The following ZZEF1 variants were observed in gnomAD, a reference collection of about 807,000 sequenced individuals.
The protein encoded by ZZEF1 is zinc finger ZZ-type and EF-hand domain containing 1.
Under a neutral mutation model 342.8 loss-of-function variants are expected in ZZEF1, and 157 were observed. That is an observed-to-expected ratio of 0.46 (90% CI 0.40 to 0.52). The LOEUF is 0.52. Ranked by LOEUF, ZZEF1 falls within the 20% of genes least tolerant of loss-of-function variation. ZZEF1 has a pLI of 0.00. For synonymous variants in ZZEF1, 1,505 were observed against 1,429.1 expected (o/e 1.05, Z -1.20); for missense variants, 3,480 against 3,725.6 (o/e 0.93, Z 1.72).
intron 1 of ZZEF1, among the ~76,000 whole-genome samples, chr17:4,140,939 C>T (rs1245010584): frequency 3.4e-5 from 5 of 147,130 alleles, no homozygotes; most frequent in African/African-American, 7.5e-5. Flanking sequence ...GACAGAGTAT[C>T]GCTCTGAGGC....
rs1046961237 is a variant in ZZEF1 at position 4,048,397 on chromosome 17, G to A, written c.6015+1311C>T. Among the ~76,000 whole-genome samples, 10 of 152,222 alleles carry A rather than the reference G, an allele frequency of 6.6e-5. 2 individuals are homozygous for A. Among genetic ancestry groups the A allele is most frequent in the Admixed American group, 1.3e-4 (2 of 15,296 alleles). Reference sequence around the variant, plus strand: ...TTGGTGAGCTACAACCACCAGATGGGGGAATCCTTGAACTAGCAACCTGAC... The same window carrying A: ...TTGGTGAGCTACAACCACCAGATGGAGGAATCCTTGAACTAGCAACCTGAC... On this transcript the variant is annotated intron_variant, in intron 37 of 54. Transcript: ENST00000381638.
At chr17:4,100,773 T>G (rs1459232007) in intron 9 of ZZEF1, among the ~76,000 whole-genome samples, 1 of 152,096 alleles carries the variant, frequency 6.6e-6, no homozygotes. Flanking sequence ...AGGAGGAGGT[T>G]GCAGTGAGCC....
In ZZEF1 at chr17:4,017,728, G is replaced by C. The variant is rs746694097; in HGVS notation, c.7644C>G (p.Ser2548=). The C allele has an allele frequency of 1.6e-5, 26 of 1,611,506 alleles. No homozygotes were observed. The highest frequency in any genetic ancestry group is 2.0e-5 in the Non-Finnish European group (23 of 1,178,804). The change falls in exon 48 of 55, where the codon TCC becomes TCG. Residue 2548 remains serine (S), a splice_region_variant and synonymous_variant. Transcript: ENST00000381638. This position sits in a 1 kb window ranked among gnomAD's most constrained non-coding sequence, Gnocchi z 5.1. Reference sequence around the variant, plus strand: ...TGGCTTGGTCACAGCGTGCAGGCCGGGACTGCAAACCCAAGACCACCATTA... The same window carrying C: ...TGGCTTGGTCACAGCGTGCAGGCCGCGACTGCAAACCCAAGACCACCATTA... ...DTDMIILPCL[S]RPARCDQATA...
In ZZEF1 at chr17:4,109,883, A is replaced by T. The variant is rs1446022292; in HGVS notation, c.1067-20T>A. The T allele has an allele frequency of 6.2e-7, 1 of 1,613,664 alleles. No homozygotes were observed. Among genetic ancestry groups the T allele is most frequent in the Admixed American group, 1.7e-5 (1 of 59,980 alleles). ...GGACATCTGTCGAGCACAAACAAAA[A>T]ATTCAGTATTGGATTAACTTCTTTA... On this transcript the variant is annotated intron_variant, in intron 5 of 54. Coordinates refer to ENST00000381638, the MANE Select transcript of ZZEF1 (RefSeq NM_015113.4).
intron 16 of ZZEF1, among the ~76,000 whole-genome samples, chr17:4,085,088 G>A (rs148770381): frequency 2.1e-3 from 325 of 152,170 alleles, no homozygotes; most frequent in African/African-American, 7.3e-3. Flanking sequence ...CTCCAGCCTG[G>A]GCAACAGAAC....
At chr17:4,069,438 G>C (rs933706427) in intron 26 of ZZEF1, among the ~76,000 whole-genome samples, 2 of 152,116 alleles carry the variant, frequency 1.3e-5, no homozygotes, top group Non-Finnish European at 1.5e-5. Context: ...ATTAAGATTT[G>C]GGGATGTAAT....
At chr17:4,045,834 T>G (rs2056901465) in intron 37 of ZZEF1, among the ~76,000 whole-genome samples, 1 of 151,156 alleles carries the variant, frequency 6.6e-6, no homozygotes, top group South Asian at 2.1e-4. Flanking sequence ...GTTCTTGTTT[T>G]TTTTTTTTTT....
Position 4,004,534 on chromosome 17 carries a change from C to T in ZZEF1, c.*2356G>A, listed in dbSNP as rs1415625307. On this transcript the variant is annotated 3_prime_UTR_variant, in exon 55 of 55. Transcript: ENST00000381638. ...ACATCCTTTTTACAGGCTGAACTCA[C>T]TCAGGCTGATAGAATCAAAATTCTT... 1 of 152,564 alleles carries T rather than the reference C, an allele frequency of 6.6e-6. No individual in the cohort carries two copies. Among genetic ancestry groups the T allele is most frequent in the African/African-American group, 2.4e-5 (1 of 41,448 alleles). 9.5% of individuals were successfully genotyped at this position (152,564 alleles called of 1,614,324 possible).
At position 4,017,706 on chromosome 17, in the gene ZZEF1, C is replaced by G. The variant is rs760346406; in HGVS notation, c.7666G>C (p.Ala2556Pro). 2.0e-4 allele frequency: 315 copies of G among 1,613,126 alleles called. No homozygotes were observed. The highest frequency in any genetic ancestry group is 2.6e-4 in the Non-Finnish European group (309 of 1,179,840). The change falls in exon 48 of 55, where the codon GCC becomes CCC. Residue 2556 changes from alanine to proline, a missense_variant. Physicochemically the swap from Ala to Pro is conservative, Grantham distance 27. Transcript: ENST00000381638. This position sits in a 1 kb window ranked among gnomAD's most constrained non-coding sequence, Gnocchi z 5.1. The part of the protein sequence containing the change: ...CLSRPARCDQ[A>P]TAESNPVTQK... ...GTCACAGGGTTCGATTCAGCAGTGG[C>G]TTGGTCACAGCGTGCAGGCCGGGAC...
intron 37 of ZZEF1, among the ~76,000 whole-genome samples, chr17:4,047,046 A>G (rs2056931445): frequency 6.6e-6 from 1 of 152,158 alleles, no homozygotes; most frequent in South Asian, 2.1e-4. Flanking sequence ...AATTGCTTGC[A>G]GCTTTACTTG....
At chr17:4,042,924 C>T (rs1305039605) in intron 38 of ZZEF1, among the ~76,000 whole-genome samples, 1 of 152,166 alleles carries the variant, frequency 6.6e-6, no homozygotes, top group African/African-American at 2.4e-5. Flanking sequence ...TCAAGTGATC[C>T]GCCCACCTTG....
At chr17:4,083,201 T>C (rs534487157) in intron 16 of ZZEF1, among the ~76,000 whole-genome samples, 1 of 152,198 alleles carries the variant, frequency 6.6e-6, no homozygotes, top group African/African-American at 2.4e-5. Flanking sequence ...ATACAGAAGG[T>C]TGGCAGTGCT....
At chr17:4,122,581 T>A (rs1037156256) in intron 2 of ZZEF1, among the ~76,000 whole-genome samples, 1 of 152,164 alleles carries the variant, frequency 6.6e-6, no homozygotes, top group African/African-American at 2.4e-5. Flanking sequence ...AGTTTCTCCA[T>A]GTTGGTCAGG....
At chr17:4,038,511 A>C (rs1268201821) in intron 39 of ZZEF1, among the ~76,000 whole-genome samples, 5 of 152,360 alleles carry the variant, frequency 3.3e-5, no homozygotes, top group Admixed American at 2.6e-4. Flanking sequence ...TGAGCAGAAG[A>C]AGCCAGACAC....
rs1420776871 is a variant in ZZEF1, at chr17:4,117,176, T to A, written c.500-10A>T. 2 of 1,598,270 alleles carry A rather than the reference T, an allele frequency of 1.3e-6. No homozygotes were observed. The highest frequency in any genetic ancestry group is 1.7e-6 in the Non-Finnish European group (2 of 1,168,774). On this transcript the variant is annotated splice_polypyrimidine_tract_variant and intron_variant, in intron 2 of 54. Coordinates refer to ENST00000381638, the MANE Select transcript of ZZEF1 (RefSeq NM_015113.4). ...AATATGTCTGTGAAACCTAAACAGA[T>A]GAAATCCATTTTTGGTGTTTTGGGG...
intron 40 of ZZEF1, 51 bp downstream of exon 40, chr17:4,033,964 A>G (rs764480483): frequency 1.9e-4 from 304 of 1,597,004 alleles, no homozygotes; most frequent in Non-Finnish European, 2.5e-4. Flanking sequence ...ACAAATAAAC[A>G]CCAAGGTGGG....
At chr17:4,018,437 T>A (rs12951359) in intron 46 of ZZEF1, among the ~76,000 whole-genome samples, 24,942 of 151,714 alleles carry the variant, frequency 0.16, 2,333 homozygotes, top group East Asian at 0.25. Flanking sequence ...CTTTTTTTTT[T>A]AAATTTAACA....
chr17:4,071,745 T>C (rs2057513706), intron 25 of ZZEF1, among the ~76,000 whole-genome samples: 2 of 152,134 alleles, frequency 1.3e-5, no homozygotes, highest in African/African-American at 4.8e-5. Flanking sequence ...GGTTTTACAC[T>C]TCTGAGTTAA....
At chr17:4,020,205 T>G (rs1279722311) in intron 45 of ZZEF1, among the ~76,000 whole-genome samples, 2 of 152,198 alleles carry the variant, frequency 1.3e-5, no homozygotes, top group Non-Finnish European at 2.9e-5. Flanking sequence ...TCATAGCTCA[T>G]ACCACTGAGT....
Sources: allele counts gnomAD v4.1 joint callset (sites outside exome capture counted in the v4.1 genomes callset), GRCh38; gene constraint gnomAD v4.1.1; non-coding constraint Gnocchi (gnomAD v3.1); transcripts MANE v1.5; gene names NCBI Gene and HGNC (gene_info 2026-07-23, HGNC 2026-07-21).